Variants in IL1RAPL1 observed in about 807,000 individuals in gnomAD.
IL1RAPL1 encodes interleukin-1 receptor accessory protein-like 1.
In IL1RAPL1, 3 loss-of-function variants were observed where a neutral mutation model predicts 48.4. That is an observed-to-expected ratio of 0.06 (90% CI 0.03 to 0.16). The LOEUF (loss-of-function observed/expected upper bound fraction) is 0.16, where lower values mean the gene tolerates loss of function less well. IL1RAPL1 is among the 10% of genes least tolerant of loss of function. The pLI, the probability that IL1RAPL1 is intolerant of heterozygous loss-of-function variation, is 1.00. For missense variants in IL1RAPL1, 349 were observed against 530.6 expected (o/e 0.66, Z 3.36); for synonymous variants, 185 against 187.7 (o/e 0.99, Z 0.12).
chrX:29,561,329 C>A (rs1254565748), intron 5 of IL1RAPL1, among the ~76,000 whole-genome samples: 1 of 112,148 alleles, frequency 8.9e-6, no homozygotes, highest in East Asian at 2.8e-4. Context: ...TGCTTGGAGA[C>A]ACATACGAGA....
intron 5 of IL1RAPL1, among the ~76,000 whole-genome samples, chrX:29,411,884 T>G (rs2147698419): frequency 9.0e-6 from 1 of 111,478 alleles, no homozygotes; most frequent in South Asian, 3.8e-4. Context: ...ATTTGCACTC[T>G]ACTGCTTCAA....
At chrX:29,270,441 A>G (rs1242751269) in intron 2 of IL1RAPL1, among the ~76,000 whole-genome samples, 1 of 111,957 alleles carries the variant, frequency 8.9e-6, no homozygotes, top group African/African-American at 3.2e-5. Flanking sequence ...CTTTTTAGGA[A>G]AATTTTTGTT....
At chrX:29,218,784 C>T (rs1243050947) in intron 2 of IL1RAPL1, among the ~76,000 whole-genome samples, 1 of 111,983 alleles carries the variant, frequency 8.9e-6, no homozygotes, top group Non-Finnish European at 1.9e-5. Flanking sequence ...CATTTGTAGT[C>T]ATGTTAATGG....
intron 5 of IL1RAPL1, among the ~76,000 whole-genome samples, chrX:29,649,199 A>G (rs1925435149): frequency 9.0e-6 from 1 of 111,705 alleles, no homozygotes; most frequent in Non-Finnish European, 1.9e-5. Flanking sequence ...ATTCTTCTCA[A>G]GCTATTACAA....
chrX:29,257,838 G>A (rs1249043626), intron 2 of IL1RAPL1, among the ~76,000 whole-genome samples: 3 of 111,305 alleles, frequency 2.7e-5, no homozygotes, highest in Admixed American at 9.6e-5. Context: ...AATTAGTCCC[G>A]GGGGAATTTA....
At chrX:28,639,791 C>G (rs1036944754) in intron 1 of IL1RAPL1, among the ~76,000 whole-genome samples, 1 of 112,099 alleles carries the variant, frequency 8.9e-6, no homozygotes. Flanking sequence ...TGTCTTGTCT[C>G]AAGACATAGG....
intron 6 of IL1RAPL1, 149 bp from the exon 7 acceptor site, chrX:29,917,314 GA>G: frequency 1.9e-6 from 1 of 517,402 alleles, no homozygotes; most frequent in Non-Finnish European, 3.1e-6. Context: ...CTATCAATTT[GA>G]CAAAGATTGA....
At chrX:29,150,183 G>A (rs1465477170) in intron 2 of IL1RAPL1, among the ~76,000 whole-genome samples, 2 of 111,977 alleles carry the variant, frequency 1.8e-5, no homozygotes, top group Non-Finnish European at 3.8e-5. Flanking sequence ...GCCAGGCTTC[G>A]TGCAAGGCAC....
intron 1 of IL1RAPL1, among the ~76,000 whole-genome samples, chrX:28,646,783 A>G (rs1463456696): frequency 8.9e-6 from 1 of 112,064 alleles, no homozygotes; most frequent in African/African-American, 3.2e-5. Flanking sequence ...CCCAACTGTT[A>G]CTCCTTTCAT....
At chrX:29,770,361 C>T (rs1277436106) in intron 6 of IL1RAPL1, among the ~76,000 whole-genome samples, 2 of 111,409 alleles carry the variant, frequency 1.8e-5, no homozygotes, top group Non-Finnish European at 3.8e-5. Flanking sequence ...TTTTTAATAA[C>T]TTGTTTTTCA....
intron 6 of IL1RAPL1, among the ~76,000 whole-genome samples, chrX:29,834,348 G>A (rs139346076): frequency 1.4e-3 from 155 of 111,541 alleles, no homozygotes; most frequent in African/African-American, 4.8e-3. Flanking sequence ...AGGATATACC[G>A]ATGACTCTAG....
chrX:29,429,733 A>T (rs1437153076), intron 5 of IL1RAPL1, among the ~76,000 whole-genome samples: 1 of 111,270 alleles, frequency 9.0e-6, no homozygotes, highest in Non-Finnish European at 1.9e-5. Context: ...TTTATTAAAG[A>T]ATCACAAGTA....
At chrX:28,796,528 AG>A (rs1323616158) in intron 2 of IL1RAPL1, among the ~76,000 whole-genome samples, 2 of 112,143 alleles carry the variant, frequency 1.8e-5, no homozygotes, top group African/African-American at 6.5e-5. Context: ...GCCCCATGCA[AG>A]TCCAAAATCT....
At chrX:29,935,073 G>T (rs755454091) in intron 8 of IL1RAPL1, among the ~76,000 whole-genome samples, 153 of 110,547 alleles carry the variant, frequency 1.4e-3, no homozygotes, top group African/African-American at 5.0e-3. Context: ...CCTCAGTTTG[G>T]ATTGGCTGGA....
At chrX:29,920,229 A>G (rs1435483142) in intron 8 of IL1RAPL1, 135 bp downstream of exon 8, 1 of 766,073 alleles carries the variant, frequency 1.3e-6, no homozygotes, top group African/African-American at 2.1e-5. Context: ...TATTTGCATT[A>G]GAGCCACCGA....
chrX:28,669,001 G>C (rs1007206112), intron 1 of IL1RAPL1, among the ~76,000 whole-genome samples: 11 of 111,495 alleles, frequency 9.9e-5, no homozygotes, highest in Non-Finnish European at 1.1e-4. Flanking sequence ...GGAAACTTAA[G>C]TGTTTGACAC....
chrX:28,831,910 GT>G, intron 2 of IL1RAPL1, among the ~76,000 whole-genome samples: 1 of 110,788 alleles, frequency 9.0e-6, no homozygotes, highest in African/African-American at 3.3e-5. Context: ...AATGGTTTCA[GT>G]TTTTTAAATA....
intron 6 of IL1RAPL1, among the ~76,000 whole-genome samples, chrX:29,785,007 T>C (rs1259673979): frequency 3.6e-5 from 4 of 112,148 alleles, no homozygotes; most frequent in Non-Finnish European, 5.6e-5. Context: ...GAAAAACATG[T>C]CTATACACAG....
At chrX:28,869,072 G>T (rs1015546623) in intron 2 of IL1RAPL1, among the ~76,000 whole-genome samples, 2 of 112,770 alleles carry the variant, frequency 1.8e-5, no homozygotes, top group Admixed American at 9.4e-5. Context: ...TATGCATGCT[G>T]CATTTAATAT....
Sources: gnomAD v4.1 joint callset for allele counts (sites outside exome capture counted in the v4.1 genomes callset) on GRCh38, gnomAD v4.1.1 for gene constraint, MANE v1.5 for transcripts, NCBI Gene and HGNC (gene_info 2026-07-23, HGNC 2026-07-21) for gene names.